The following GSE1 variants were observed in gnomAD, a reference collection of about 807,000 sequenced individuals.
The protein encoded by GSE1 is genetic suppressor element 1.
Under a neutral mutation model 112.6 loss-of-function variants are expected in GSE1, and 32 were observed. That is an observed-to-expected ratio of 0.28 (90% confidence interval 0.21 to 0.38). GSE1 has a LOEUF of 0.38. Among genes scored for constraint, GSE1 ranks in the 10% least tolerant of loss-of-function variants. The probability of loss-of-function intolerance (pLI) is 1.00; values close to 1 mark genes in which losing one functional copy is unlikely to be tolerated. For missense variants in GSE1, 2,348 were observed against 1,699.2 expected (o/e 1.38, Z -6.71); for synonymous variants, 1,115 against 735.6 (o/e 1.52, Z -8.35).
chr16:85,305,416 C>T (rs1035672119), intron 1 of GSE1, among the ~76,000 whole-genome samples: 1 of 151,868 alleles, frequency 6.6e-6, no homozygotes, highest in African/African-American at 2.4e-5. Context: ...TCCCAAAGTG[C>T]TTGGATTGCA....
intron 2 of GSE1, among the ~76,000 whole-genome samples, chr16:85,465,492 A>AG (rs2151833479): frequency 6.6e-6 from 1 of 152,340 alleles, no homozygotes; most frequent in African/African-American, 2.4e-5. Context: ...CTGCCCTGCT[A>AG]GGGGTAAGTG....
chr16:85,174,473 C>T lies in GSE1; in HGVS notation c.2283+2666C>T, dbSNP rs761759173. 2.6e-5 allele frequency among the ~76,000 whole-genome samples: 4 copies of T among 152,310 alleles called. No individual in the cohort carries two copies. The South Asian group carries it at 6.2e-4, about 24-fold the overall frequency. ...TCAGCTCTCAGCTCCCAGGGAAGCA[C>T]GATTGACAGCCGGGAGAATGCCGGA... is the stretch of plus-strand genomic sequence containing the variant. On this transcript the variant is annotated intron_variant, in intron 1 of 2. Transcript: ENST00000637419.
chr16:85,422,147 C>T (rs1253998973), intron 2 of GSE1, among the ~76,000 whole-genome samples: 1 of 152,170 alleles, frequency 6.6e-6, no homozygotes, highest in Non-Finnish European at 1.5e-5. Context: ...GTCATCCTCG[C>T]ACCCCACCTC....
rs774477389 is a variant in GSE1 at position 85,673,531 on chromosome 16, C to T, written c.*992C>T. ...GTGTTTGTACTGCTGCTGGTCAGGA[C>T]ATTAAAATATTGAAGTGTTTTTAAA... On this transcript the variant is annotated 3_prime_UTR_variant, in exon 16 of 16. Coordinates refer to ENST00000253458, the MANE Select transcript of GSE1 (RefSeq NM_014615.5). 1.3e-5 allele frequency: 2 copies of T among 149,334 alleles called. 1 individual carries two copies. The highest frequency in any genetic ancestry group is 4.9e-5 in the African/African-American group (2 of 40,466). The allele number at this position is 149,334 out of a possible 1,614,324, so 9.3% of individuals were successfully genotyped here. A position where few individuals can be genotyped will look rare whatever the true frequency, so the allele number is the denominator to read the frequency against.
intron 2 of GSE1, among the ~76,000 whole-genome samples, chr16:85,647,572 G>A (rs549744979): frequency 2.6e-5 from 4 of 152,270 alleles, no homozygotes; most frequent in South Asian, 4.1e-4. Context: ...GCTGGGCCCC[G>A]TAGAGGGGTG....
At chr16:85,430,345 C>T (rs1209301553) in intron 2 of GSE1, among the ~76,000 whole-genome samples, 1 of 152,172 alleles carries the variant, frequency 6.6e-6, no homozygotes, top group African/African-American at 2.4e-5. Context: ...ACCCAGACAG[C>T]CTCCCGTGCA....
intron 2 of GSE1, among the ~76,000 whole-genome samples, chr16:85,470,313 C>T (rs537702447): frequency 2.0e-5 from 3 of 152,272 alleles, no homozygotes; most frequent in African/African-American, 7.2e-5. Context: ...TGGGGCTCGG[C>T]GCCCCTCAGT....
intron 3 of GSE1, among the ~76,000 whole-genome samples, chr16:85,650,113 C>T (rs1213834263): frequency 1.3e-5 from 2 of 152,310 alleles, no homozygotes; most frequent in East Asian, 1.9e-4. Flanking sequence ...TTTGACTAAT[C>T]CTCATGTGAG....
At chr16:85,519,622 CCACCATCACCAGTCTCCAT>C (rs2052101390) in intron 2 of GSE1, among the ~76,000 whole-genome samples, 1 of 150,838 alleles carries the variant, frequency 6.6e-6, no homozygotes, top group Admixed American at 6.6e-5. Flanking sequence ...ACCATCACCA[CCACCATCACCAGTCTCCAT>C]CATCATCACC....
intron 1 of GSE1, among the ~76,000 whole-genome samples, chr16:85,284,647 G>A (rs182227814): frequency 6.6e-6 from 1 of 152,326 alleles, no homozygotes; most frequent in East Asian, 1.9e-4. Flanking sequence ...GATATTAAAC[G>A]CCCGCTGCTG....
chr16:85,345,901 A>T (rs1400913788), intron 1 of GSE1, among the ~76,000 whole-genome samples: 1 of 152,142 alleles, frequency 6.6e-6, no homozygotes, highest in Non-Finnish European at 1.5e-5. Flanking sequence ...AACAGTGGAT[A>T]TGTGGATGGG....
intron 2 of GSE1, among the ~76,000 whole-genome samples, chr16:85,392,469 G>C (rs2047863170): frequency 6.6e-6 from 1 of 152,206 alleles, no homozygotes; most frequent in African/African-American, 2.4e-5. Context: ...CCCTGGAGTG[G>C]TGAACATATT....
chr16:85,412,787 C>G (rs1030877571), intron 2 of GSE1, among the ~76,000 whole-genome samples: 2 of 152,134 alleles, frequency 1.3e-5, no homozygotes, highest in African/African-American at 2.4e-5. Flanking sequence ...TCGCTGACCT[C>G]TCCAGTGCAA....
chr16:85,613,200 G>A, upstream of GSE1: 3 of 1,434,544 alleles, frequency 2.1e-6, no homozygotes, highest in Non-Finnish European at 2.7e-6. Flanking sequence ...AGTGGGCGGC[G>A]TTGCGTTTGG....
intron 1 of GSE1, among the ~76,000 whole-genome samples, chr16:85,331,701 ATATATATTT>A (rs1186006473): frequency 2.8e-4 from 21 of 74,122 alleles, no homozygotes; most frequent in East Asian, 1.4e-3. Context: ...ATATATATAT[ATATATATTT>A]TTTTTTTTTT....
At chr16:85,670,822 T>G in intron 14 of GSE1, 173 bp from the exon 15 acceptor site, 1 of 505,548 alleles carries the variant, frequency 2.0e-6, no homozygotes, top group Non-Finnish European at 3.6e-6. Flanking sequence ...GTTTATGTAT[T>G]TATCGGTACA....
intron 2 of GSE1, among the ~76,000 whole-genome samples, chr16:85,441,126 A>G (rs1285285426): frequency 6.6e-6 from 1 of 152,178 alleles, no homozygotes; most frequent in Non-Finnish European, 1.5e-5. Flanking sequence ...GGATGGGGAT[A>G]GGCTGGGGTT....
chr16:85,500,249 A>G (rs2051315431), intron 2 of GSE1, among the ~76,000 whole-genome samples: 1 of 152,214 alleles, frequency 6.6e-6, no homozygotes, highest in Non-Finnish European at 1.5e-5. Flanking sequence ...GGAAAAACAA[A>G]TGGGAACGTG....
chr16:85,171,450 C>T, exon 1 of GSE1: 4 of 985,446 alleles, frequency 4.1e-6, no homozygotes, highest in Non-Finnish European at 3.6e-6. Flanking sequence ...ACTCCACCGG[C>T]CTGGTGGCTA....
Sources: allele counts gnomAD v4.1 joint callset (sites outside exome capture counted in the v4.1 genomes callset), GRCh38; gene constraint gnomAD v4.1.1; transcripts MANE v1.5; gene names NCBI Gene and HGNC (gene_info 2026-07-23, HGNC 2026-07-21).